SMARCD2: variants seen among roughly 807,000 people sequenced by gnomAD.
The protein encoded by SMARCD2 is SWI/SNF-related matrix-associated actin-dependent regulator of chromatin subfamily D member 2.
Under a neutral mutation model 70.4 loss-of-function variants are expected in SMARCD2, and 39 were observed. The observed-to-expected ratio is 0.55, with a 90% CI of 0.43 to 0.72. The LOEUF is 0.72. Among genes scored for constraint, SMARCD2 ranks in the 30% least tolerant of loss-of-function variants. The pLI, the probability that SMARCD2 is intolerant of heterozygous loss-of-function variation, is 0.00. For missense variants in SMARCD2, 540 were observed against 713.4 expected, an observed-to-expected ratio of 0.76 and a Z score of 2.77; for synonymous variants, 249 against 279.4, an observed-to-expected ratio of 0.89 and a Z score of 1.08.
In SMARCD2 at chr17:63,837,531, C is replaced by G. The variant is rs778803525; in HGVS notation, c.311G>C (p.Arg104Pro). 1.9e-6 allele frequency: 3 copies of G among 1,608,590 alleles called. No individual in the cohort carries two copies. Among genetic ancestry groups the G allele is most frequent in the African/African-American group, 1.3e-5 (1 of 74,794 alleles). Residue 104 changes from arginine to proline, a missense_variant, in exon 2 of 13, where the codon CGA (arginine) becomes CCA (proline). Physicochemically the swap from Arg to Pro is moderately radical, Grantham distance 103. Transcript: ENST00000448276. This position sits in a 1 kb window ranked among gnomAD's most constrained non-coding sequence, Gnocchi z 6.4. ...CATCATGGTGGGTGGCATGCCAGGT[C>G]GAAGCGGAGCTGCTGCACCAAATGG... Reference protein sequence around the residue: ...GSPFGAAAPLRPGMPPTMMDP... With the variant: ...GSPFGAAAPLPPGMPPTMMDP...
Position 63,833,530 on chromosome 17 carries a change from G to A in SMARCD2, c.1317+57C>T. The A allele has an allele frequency of 6.2e-7, 1 of 1,612,582 alleles. No homozygotes were observed. The highest frequency in any genetic ancestry group is 1.1e-5 in the South Asian group (1 of 91,008). On this transcript the variant is annotated intron_variant, in intron 10 of 12. Coordinates refer to ENST00000448276, the MANE Select transcript of SMARCD2 (RefSeq NM_001098426.2). This position sits in a 1 kb window ranked among gnomAD's most constrained non-coding sequence, Gnocchi z 4.3. ...GCTACATGTATGGAAATGCTGGACA[G>A]AGCCAGCCCACCCCAATCCTGGGCC... is the stretch of plus-strand genomic sequence containing the variant.
At chr17:63,839,809 C>T (rs1162073842) in intron 1 of SMARCD2, among the ~76,000 whole-genome samples, 3 of 152,162 alleles carry the variant, frequency 2.0e-5, no homozygotes, top group African/African-American at 7.2e-5. Flanking sequence ...AGTTGGGGAA[C>T]ATACCACCCA....
chr17:63,834,278 G>T lies in SMARCD2; in HGVS notation c.972C>A (p.His324Gln), dbSNP rs375769485. The T allele has an allele frequency of 4.0e-5, 65 of 1,611,886 alleles. No homozygotes were observed. The highest frequency in any genetic ancestry group is 5.4e-5 in the Non-Finnish European group (64 of 1,179,160). Reference sequence around the variant, plus strand: ...GCATGATGGCGGCCCTCGTCTGCGTGTGCACTCCCAGCAGCCTTGCCAATC... The same window carrying T: ...GCATGATGGCGGCCCTCGTCTGCGTTTGCACTCCCAGCAGCCTTGCCAATC... ...DPRLARLLGV[H>Q]TQTRAAIMQA... The change falls in exon 8 of 13, where the codon CAC becomes CAA. Residue 324 changes from histidine (H) to glutamine (Q), a missense_variant. His to Gln is a conservative substitution (Grantham distance 24, BLOSUM62 0). Transcript: ENST00000448276. The surrounding 1 kb of genome is among the most constrained non-coding windows in gnomAD (Gnocchi z 5.6).
rs1264982643 is a variant in SMARCD2, at chr17:63,833,207, C to T, written c.1441-37G>A. ...CAGGAGGAAAGCCATAGCATAATCCCCACCCCTGGGCTAATCCACCCTGGG... is the reference window on the plus strand; with the variant it reads ...CAGGAGGAAAGCCATAGCATAATCCTCACCCCTGGGCTAATCCACCCTGGG... On this transcript the variant is annotated intron_variant, in intron 11 of 12. Transcript: ENST00000448276. The surrounding 1 kb of genome is among the most constrained non-coding windows in gnomAD (Gnocchi z 4.3). The T allele has an allele frequency of 5.6e-6, 9 of 1,609,382 alleles. No homozygotes were observed. The highest frequency in any genetic ancestry group is 7.6e-6 in the Non-Finnish European group (9 of 1,176,884).
In SMARCD2 at chr17:63,834,617, C is replaced by A. The variant is rs9914042; in HGVS notation, c.820-42G>T. 6.4e-7 allele frequency: 1 copy of A among 1,572,730 alleles called. No homozygotes were observed. Among genetic ancestry groups the A allele is most frequent in the Non-Finnish European group, 8.7e-7 (1 of 1,145,184 alleles). ...CATGGCTTATCACCAAGGGGGTGGG[C>A]GTGAACACAGGGCCTCCCAAGGGCC... On this transcript the variant is annotated intron_variant, in intron 6 of 12. Transcript: ENST00000448276. The surrounding 1 kb of genome is among the most constrained non-coding windows in gnomAD (Gnocchi z 5.6).
rs1056649738 is a variant in SMARCD2 at position 63,838,911 on chromosome 17, C to CA, written c.217-1287dup. On this transcript the variant is annotated intron_variant, in intron 1 of 12. Coordinates refer to ENST00000448276, the MANE Select transcript of SMARCD2 (RefSeq NM_001098426.2). ...CCGCACTAAACCCATGTTCCCAACA[C>CA]AGAGGGTCAGATTCTTGACCAGATG... The CA allele has an allele frequency of 6.9e-5, 68 of 985,438 alleles. No homozygotes were observed. In the African/African-American group the frequency reaches 1.2e-3, roughly 17 times the overall value. The allele number at this position is 985,438 out of a possible 1,614,324, so 61.0% of individuals were successfully genotyped here. A position where few individuals can be genotyped will look rare whatever the true frequency, so the allele number is the denominator to read the frequency against.
chr17:63,832,651 A>G lies in SMARCD2; in HGVS notation c.*287T>C. ...AAACCCAGCAGCCTTTGGTTCGGAA[A>G]TGTCTTACAATGTCAAAGCACAGCC... On this transcript the variant is annotated 3_prime_UTR_variant, in exon 13 of 13. Transcript: ENST00000448276. 2.0e-6 allele frequency: 1 copy of G among 502,990 alleles called. No individual in the cohort carries two copies. Among genetic ancestry groups the G allele is most frequent in the Non-Finnish European group, 3.6e-6 (1 of 276,026 alleles). The allele number at this position is 502,990 out of a possible 1,614,324, so 31.2% of individuals were successfully genotyped here.
Position 63,842,448 on chromosome 17 carries a change from T to G in SMARCD2, c.216+11A>C. ...CTCTCGCCCCCGTCCGCTCGCGTCC[T>G]CCTTGCTCACCTGGTACTGCGCCGC... On this transcript the variant is annotated intron_variant, in intron 1 of 12. Coordinates refer to ENST00000448276, the MANE Select transcript of SMARCD2 (RefSeq NM_001098426.2). The G allele has an allele frequency of 7.5e-7, 1 of 1,341,466 alleles. No homozygotes were observed. The highest frequency in any genetic ancestry group is 9.6e-7 in the Non-Finnish European group (1 of 1,046,272). The allele number at this position is 1,341,466 out of a possible 1,614,324, so 83.1% of individuals were successfully genotyped here.
At chr17:63,842,254 T>G in intron 1 of SMARCD2, 1 of 936,752 alleles carries the variant, frequency 1.1e-6, no homozygotes, top group Non-Finnish European at 1.3e-6. Context: ...CCCAGCTGCT[T>G]CCAGCCCTCC....
At chr17:63,839,293 C>T (rs1350244966) in intron 1 of SMARCD2, 1 of 960,948 alleles carries the variant, frequency 1.0e-6, no homozygotes, top group Non-Finnish European at 1.2e-6. Context: ...AGCGAGGGCC[C>T]TGTGGTCCCC....
chr17:63,832,789 C>G lies in SMARCD2; in HGVS notation c.*149G>C, dbSNP rs544276588. 7.3e-5 allele frequency: 52 copies of G among 708,178 alleles called. No individual in the cohort carries two copies. Among genetic ancestry groups the G allele is most frequent in the Middle Eastern group, 3.9e-4 (1 of 2,532 alleles). 43.9% of individuals were successfully genotyped at this position (708,178 alleles called of 1,614,324 possible). A position where few individuals can be genotyped will look rare whatever the true frequency, so the allele number is the denominator to read the frequency against. ...TTTGGGGACCAAGCAACAAGGAATCCTATCACTACATTTATAAGACTAAAG... is the reference window on the plus strand; with the variant it reads ...TTTGGGGACCAAGCAACAAGGAATCGTATCACTACATTTATAAGACTAAAG... On this transcript the variant is annotated 3_prime_UTR_variant, in exon 13 of 13. Coordinates refer to ENST00000448276, the MANE Select transcript of SMARCD2 (RefSeq NM_001098426.2).
At position 63,836,922 on chromosome 17, in the gene SMARCD2, T is replaced by C. The variant is rs2040272880; in HGVS notation, c.567A>G (p.Thr189=). Residue 189 remains threonine, a splice_region_variant and synonymous_variant, in exon 4 of 13, where the codon ACA becomes ACG. Coordinates refer to ENST00000448276, the MANE Select transcript of SMARCD2 (RefSeq NM_001098426.2). ...EIQEAIKKPL[T]QKRKLRIYIS... ...TAGAGGTGGTCAGGGCCACACATACTGTCAGAGGCTTTTTGATGGCCTCCT... is the reference window on the plus strand; with the variant it reads ...TAGAGGTGGTCAGGGCCACACATACCGTCAGAGGCTTTTTGATGGCCTCCT... 4 of 1,613,022 alleles carry C rather than the reference T, an allele frequency of 2.5e-6. No individual in the cohort carries two copies. The highest frequency in any genetic ancestry group is 1.3e-5 in the African/African-American group (1 of 74,920).
intron 5 of SMARCD2, 78 bp downstream of exon 5, chr17:63,835,334 G>T: frequency 6.9e-7 from 1 of 1,451,778 alleles, no homozygotes; most frequent in Non-Finnish European, 9.4e-7. Flanking sequence ...TGCTGCTCAG[G>T]CTAGTATCAA....
chr17:63,832,564 TC>T lies in SMARCD2; in HGVS notation c.*373del, dbSNP rs1475238082. ...GAAGAGTCTGGGCTGCACCTCCTCT[TC>T]CTAGCCCAGCTCCCCAGAGCCAGCT... On this transcript the variant is annotated 3_prime_UTR_variant, in exon 13 of 13. Coordinates refer to ENST00000448276, the MANE Select transcript of SMARCD2 (RefSeq NM_001098426.2). 1.8e-5 allele frequency: 6 copies of T among 329,860 alleles called. No homozygotes were observed. Among genetic ancestry groups the T allele is most frequent in the Non-Finnish European group, 3.4e-5 (6 of 173,922 alleles). The allele number at this position is 329,860 out of a possible 1,614,324, so 20.4% of individuals were successfully genotyped here.
At chr17:63,840,620 T>C (rs1904423115) in intron 1 of SMARCD2, among the ~76,000 whole-genome samples, 1 of 152,194 alleles carries the variant, frequency 6.6e-6, no homozygotes, top group Admixed American at 6.5e-5. Context: ...TTCTCACTTT[T>C]CAAGTGCATC....
Position 63,833,617 on chromosome 17 carries a change from A to G in SMARCD2, c.1287T>C (p.Asn429=). ...CATCAAGGGAGGCGATCTCCTGCTGATTGGTGGTAGAGGCCAGAAAATTGC... is the reference window on the plus strand; with the variant it reads ...CATCAAGGGAGGCGATCTCCTGCTGGTTGGTGGTAGAGGCCAGAAAATTGC... ...QMSNFLASTT[N]QQEIASLDVK... is the part of the protein sequence containing the mutation. The change falls in exon 10 of 13, where the codon AAT becomes AAC. Residue 429 remains asparagine, a synonymous_variant. Transcript: ENST00000448276. The surrounding 1 kb of genome is among the most constrained non-coding windows in gnomAD (Gnocchi z 4.3). 1 of 1,613,954 alleles carries G rather than the reference A, an allele frequency of 6.2e-7. No individual in the cohort carries two copies. The highest frequency in any genetic ancestry group is 8.5e-7 in the Non-Finnish European group (1 of 1,179,884).
In SMARCD2 at chr17:63,833,197, A is replaced by T. The variant is rs1213755655; in HGVS notation, c.1441-27T>A. 1 of 1,609,160 alleles carries T rather than the reference A, an allele frequency of 6.2e-7. No homozygotes were observed. The highest frequency in any genetic ancestry group is 1.1e-5 in the South Asian group (1 of 90,554). On this transcript the variant is annotated intron_variant, in intron 11 of 12. Coordinates refer to ENST00000448276, the MANE Select transcript of SMARCD2 (RefSeq NM_001098426.2). This position sits in a 1 kb window ranked among gnomAD's most constrained non-coding sequence, Gnocchi z 4.3. ...TGCAAAGAGCCAGGAGGAAAGCCAT[A>T]GCATAATCCCCACCCCTGGGCTAAT...
intron 1 of SMARCD2, chr17:63,839,121 CTT>C: frequency 1.0e-6 from 1 of 985,398 alleles, no homozygotes; most frequent in Non-Finnish European, 1.2e-6. Context: ...AAGACAGCCT[CTT>C]TCTCTGCCTT....
intron 1 of SMARCD2, 127 bp downstream of exon 1, chr17:63,842,332 G>A (rs1904500627): frequency 1.7e-6 from 2 of 1,181,936 alleles, no homozygotes; most frequent in South Asian, 2.4e-5. Context: ...GTCCCGGCCC[G>A]CCCTCCACCG....
Sources: allele counts gnomAD v4.1 joint callset (sites outside exome capture counted in the v4.1 genomes callset), GRCh38; gene constraint gnomAD v4.1.1; non-coding constraint Gnocchi (gnomAD v3.1); transcripts MANE v1.5; gene names NCBI Gene and HGNC (gene_info 2026-07-23, HGNC 2026-07-21).